Variants in SNTG1 observed in about 807,000 individuals in gnomAD.
SNTG1 encodes the protein syntrophin gamma 1.
Under a neutral mutation model 74.7 loss-of-function variants are expected in SNTG1, and 39 were observed. The ratio of observed to expected loss-of-function variants is 0.52; its 90% CI spans 0.40 to 0.68. SNTG1 has a LOEUF of 0.68. Among genes scored for constraint, SNTG1 ranks in the 30% least tolerant of loss-of-function variants. The pLI is 0.00. For synonymous variants in SNTG1, 254 were observed against 217.1 expected, an observed-to-expected ratio of 1.17 and a Z score of -1.49; for missense variants, 685 against 609.5, an observed-to-expected ratio of 1.12 and a Z score of -1.30.
intron 1 of SNTG1, among the ~76,000 whole-genome samples, chr8:50,131,151 T>C (rs1334724986): frequency 1.3e-5 from 2 of 152,012 alleles, no homozygotes; most frequent in African/African-American, 4.8e-5. Context: ...TAATGTAAAA[T>C]ATGTGTATTA....
At chr8:50,009,457 A>G (rs1270967506) in intron 1 of SNTG1, among the ~76,000 whole-genome samples, 2 of 152,142 alleles carry the variant, frequency 1.3e-5, no homozygotes, top group Non-Finnish European at 2.9e-5. Context: ...TGTATCCTAA[A>G]GGAAGTTTGT....
intron 17 of SNTG1, among the ~76,000 whole-genome samples, chr8:50,745,056 A>T (rs1019608273): frequency 6.6e-6 from 1 of 152,034 alleles, no homozygotes; most frequent in African/African-American, 2.4e-5. Context: ...TAAATTGGAC[A>T]ACATTAAAGC....
At chr8:50,641,064 C>A (rs1252081124) in intron 13 of SNTG1, among the ~76,000 whole-genome samples, 1 of 152,192 alleles carries the variant, frequency 6.6e-6, no homozygotes, top group African/African-American at 2.4e-5. Flanking sequence ...CAGACTAACT[C>A]CAACTTTCCT....
At chr8:50,661,778 C>T (rs924432654) in intron 15 of SNTG1, among the ~76,000 whole-genome samples, 1 of 151,962 alleles carries the variant, frequency 6.6e-6, no homozygotes, top group Non-Finnish European at 1.5e-5. Context: ...TGAGGCCTGG[C>T]GATAAGTATT....
chr8:50,150,570 T>C (rs201070615), intron 1 of SNTG1, among the ~76,000 whole-genome samples: 2 of 152,248 alleles, frequency 1.3e-5, no homozygotes, highest in Admixed American at 1.3e-4. Context: ...TACGTCCCAT[T>C]AATACCTAAT....
In SNTG1 at chr8:50,020,764, C is replaced by T. The variant is rs576984197; in HGVS notation, c.-103+108533C>T. The stretch of plus-strand genomic sequence containing the variant: ...GGAGGAGAGTGAAAATGCTTTTATT[C>T]TCAGGTTATAAATGGACGATCCAAT... On this transcript the variant is annotated intron_variant, in intron 1 of 18. Coordinates refer to ENST00000642720, the MANE Select transcript of SNTG1 (RefSeq NM_018967.5). Among the ~76,000 whole-genome samples, 30 of 152,204 alleles carry T rather than the reference C, an allele frequency of 2.0e-4. No individual in the cohort carries two copies. The East Asian group carries it at 5.8e-3, about 29-fold the overall frequency.
rs1434192467 is a variant in SNTG1 at position 50,034,646 on chromosome 8, G to C, written c.-103+122415G>C. On this transcript the variant is annotated intron_variant, in intron 1 of 18. Transcript: ENST00000642720. ...GGGTGTCCAATATTTTGGCTTCCCT[G>C]GGCCACACTGGAGAAAGAATTGTCT... is the stretch of plus-strand genomic sequence containing the variant. Among the ~76,000 whole-genome samples, 4 of 152,120 alleles carry C rather than the reference G, an allele frequency of 2.6e-5. No individual in the cohort carries two copies. In the East Asian group the frequency reaches 7.7e-4, roughly 29 times the overall value.
chr8:50,519,945 A>G (rs2130134741), intron 9 of SNTG1, among the ~76,000 whole-genome samples: 1 of 152,290 alleles, frequency 6.6e-6, no homozygotes, highest in Non-Finnish European at 1.5e-5. Flanking sequence ...AACTACTTTA[A>G]ATTTCATATG....
chr8:50,083,858 A>C (rs779659870), intron 1 of SNTG1, among the ~76,000 whole-genome samples: 1 of 152,168 alleles, frequency 6.6e-6, no homozygotes, highest in Non-Finnish European at 1.5e-5. Context: ...GTAATTTTGC[A>C]ACATTTGAGT....
intron 2 of SNTG1, among the ~76,000 whole-genome samples, chr8:50,314,605 A>G (rs1336332325): frequency 6.7e-6 from 1 of 149,844 alleles, no homozygotes; most frequent in Non-Finnish European, 1.5e-5. Flanking sequence ...TCTGAATCTC[A>G]TGAAAGAGTT....
intron 3 of SNTG1, among the ~76,000 whole-genome samples, chr8:50,399,222 T>C (rs1412660547): frequency 6.8e-6 from 1 of 147,046 alleles, no homozygotes; most frequent in African/African-American, 2.5e-5. Flanking sequence ...TGTGTGTGTG[T>C]GTGTGTGCTT....
chr8:50,318,499 C>T (rs2090399566), intron 2 of SNTG1, among the ~76,000 whole-genome samples: 1 of 152,208 alleles, frequency 6.6e-6, no homozygotes, highest in South Asian at 2.1e-4. Flanking sequence ...CCCTCCATCA[C>T]TTCACAGCAG....
chr8:50,528,882 A>G (rs1718841540), intron 9 of SNTG1, among the ~76,000 whole-genome samples: 1 of 149,086 alleles, frequency 6.7e-6, no homozygotes, highest in African/African-American at 2.5e-5. Context: ...AATTTTCTTT[A>G]TTATTTTCTC....
chr8:49,965,798 C>T (rs920627355), intron 1 of SNTG1, among the ~76,000 whole-genome samples: 12 of 152,150 alleles, frequency 7.9e-5, no homozygotes, highest in Non-Finnish European at 1.6e-4. Context: ...TATCATCCTC[C>T]TCTTTTATCT....
intron 1 of SNTG1, among the ~76,000 whole-genome samples, chr8:50,096,702 A>C (rs1489232276): frequency 2.6e-5 from 4 of 152,166 alleles, no homozygotes; most frequent in Non-Finnish European, 5.9e-5. Flanking sequence ...CAAAGTAGGG[A>C]CTTTTTCCAG....
intron 1 of SNTG1, among the ~76,000 whole-genome samples, chr8:49,959,276 C>T (rs900704663): frequency 1.3e-5 from 2 of 152,164 alleles, no homozygotes; most frequent in Non-Finnish European, 2.9e-5. Flanking sequence ...GAAGGCAGGA[C>T]AAAAGGGGGA....
At chr8:50,707,517 G>A (rs948957097) in intron 16 of SNTG1, among the ~76,000 whole-genome samples, 2 of 151,954 alleles carry the variant, frequency 1.3e-5, no homozygotes, top group African/African-American at 4.8e-5. Context: ...ATTTTTCTAT[G>A]CTAATAAGGC....
intron 3 of SNTG1, among the ~76,000 whole-genome samples, chr8:50,399,733 T>G (rs934516966): frequency 1.3e-5 from 2 of 152,078 alleles, no homozygotes; most frequent in African/African-American, 2.4e-5. Context: ...CCCTCTCCAA[T>G]ATCCTATTGT....
intron 1 of SNTG1, among the ~76,000 whole-genome samples, chr8:50,114,420 T>G (rs2080731296): frequency 6.6e-6 from 1 of 152,100 alleles, no homozygotes; most frequent in Non-Finnish European, 1.5e-5. Context: ...GAAATAAACC[T>G]GATTGAGAAA....
Sources: allele counts gnomAD v4.1 joint callset (sites outside exome capture counted in the v4.1 genomes callset), GRCh38; gene constraint gnomAD v4.1.1; transcripts MANE v1.5; gene names NCBI Gene and HGNC (gene_info 2026-07-23, HGNC 2026-07-21).